Variants in TOM1L2 observed in about 807,000 individuals in gnomAD.
The protein encoded by TOM1L2 is target of myb1 like 2 membrane trafficking protein, also known as TOM1-like protein 2.
A neutral mutation model predicts 67.9 loss-of-function variants in TOM1L2; 31 were observed. The ratio of observed to expected loss-of-function variants is 0.46; its 90% CI spans 0.34 to 0.62. The LOEUF (loss-of-function observed/expected upper bound fraction) is 0.62. Ranked by LOEUF, TOM1L2 falls within the 20% of genes least tolerant of loss-of-function variation. The pLI is 0.01. For missense variants in TOM1L2, 606 were observed against 663.5 expected, an observed-to-expected ratio of 0.91 and a Z score of 0.95; for synonymous variants, 256 against 254.0, an observed-to-expected ratio of 1.01 and a Z score of -0.07.
chr17:17,971,442 C>A (rs868652058), intron 1 of TOM1L2, among the ~76,000 whole-genome samples: 1 of 152,114 alleles, frequency 6.6e-6, no homozygotes, highest in Non-Finnish European at 1.5e-5. Flanking sequence ...GGCATGCCAT[C>A]CCCCTGCCAA....
At chr17:17,965,002 C>A (rs1227122379) in intron 1 of TOM1L2, among the ~76,000 whole-genome samples, 2 of 152,190 alleles carry the variant, frequency 1.3e-5, no homozygotes, top group African/African-American at 4.8e-5. Context: ...AATGCTCCAT[C>A]AACCTGCCTT....
intron 1 of TOM1L2, among the ~76,000 whole-genome samples, chr17:17,955,965 A>G (rs776440985): frequency 1.3e-5 from 2 of 152,082 alleles, no homozygotes; most frequent in Non-Finnish European, 2.9e-5. Context: ...ATTCCTCCCA[A>G]TGGGTTCGTG....
rs373507323 is a variant in TOM1L2 at position 17,938,772 on chromosome 17, T to TG, written c.53-31242_53-31241insC. Among the ~76,000 whole-genome samples, 350 of 151,886 alleles carry TG rather than the reference T, an allele frequency of 2.3e-3. 2 individuals are homozygous for TG. Among genetic ancestry groups the TG allele is most frequent in the African/African-American group, 8.0e-3 (332 of 41,370 alleles). ...TGAGGCAAAGGTTGAAAGGGTTTTTTTTTTTTTTTAATATTTTGTAAAGAG... is the reference window on the plus strand; with the variant it reads ...TGAGGCAAAGGTTGAAAGGGTTTTTTGTTTTTTTTTAATATTTTGTAAAGAG... On this transcript the variant is annotated intron_variant, in intron 1 of 14. Transcript: ENST00000379504.
chr17:17,884,541 T>C (rs2037892808), intron 5 of TOM1L2, 93 bp downstream of exon 5: 1 of 1,552,386 alleles, frequency 6.4e-7, no homozygotes, highest in Non-Finnish European at 8.8e-7. Flanking sequence ...ACAAGCTGAA[T>C]AATTCAAAGG....
chr17:17,870,823 T>C (rs2037112390), intron 7 of TOM1L2, among the ~76,000 whole-genome samples: 1 of 152,156 alleles, frequency 6.6e-6, no homozygotes, highest in Non-Finnish European at 1.5e-5. Context: ...CCACACACAG[T>C]GAAAAAGCCC....
chr17:17,848,581 T>C (rs925027923), intron 14 of TOM1L2, among the ~76,000 whole-genome samples: 4 of 152,250 alleles, frequency 2.6e-5, no homozygotes, highest in African/African-American at 9.6e-5. Flanking sequence ...ATTCACCAGC[T>C]CTGCAACTTT....
chr17:17,885,128 T>A (rs777157335), intron 4 of TOM1L2, among the ~76,000 whole-genome samples: 2 of 151,922 alleles, frequency 1.3e-5, no homozygotes, highest in Non-Finnish European at 2.9e-5. Context: ...CTGCAGGGAG[T>A]GGAAGCTGGA....
At chr17:17,906,556 C>T (rs1327070302) in intron 2 of TOM1L2, among the ~76,000 whole-genome samples, 1 of 152,212 alleles carries the variant, frequency 6.6e-6, no homozygotes, top group Non-Finnish European at 1.5e-5. Context: ...TGGCCTGCCT[C>T]CCTACTACTC....
chr17:17,957,370 G>T (rs990964852), intron 1 of TOM1L2, among the ~76,000 whole-genome samples: 1 of 152,128 alleles, frequency 6.6e-6, no homozygotes, highest in Non-Finnish European at 1.5e-5. Flanking sequence ...AGCATATACT[G>T]TATGACTCCA....
rs2035605993 is a variant in TOM1L2, at chr17:17,845,615, A to T, written c.*2020T>A. 6.6e-6 allele frequency: 1 copy of T among 152,278 alleles called. No individual in the cohort carries two copies. The highest frequency in any genetic ancestry group is 1.5e-5 in the Non-Finnish European group (1 of 68,070). The allele number at this position is 152,278 out of a possible 1,614,324, so 9.4% of individuals were successfully genotyped here. ...CGAGGTCGGACCGCCCACCACCCGC[A>T]GGCCCAGCTCTGGCAGGGCCTCAGA... On this transcript the variant is annotated 3_prime_UTR_variant, in exon 15 of 15. Transcript: ENST00000379504.
chr17:17,849,871 G>A (rs1402145444), intron 13 of TOM1L2, among the ~76,000 whole-genome samples: 2 of 152,170 alleles, frequency 1.3e-5, no homozygotes, highest in Non-Finnish European at 2.9e-5. Flanking sequence ...AAGATGTCCC[G>A]GGGTGTGTTC....
intron 1 of TOM1L2, among the ~76,000 whole-genome samples, chr17:17,957,478 G>C (rs1402699453): frequency 6.6e-6 from 1 of 152,106 alleles, no homozygotes; most frequent in African/African-American, 2.4e-5. Flanking sequence ...AGCTTTCTGG[G>C]GTGAGGTTGA....
At chr17:17,906,392 G>C (rs113111319) in intron 2 of TOM1L2, among the ~76,000 whole-genome samples, 1 of 151,932 alleles carries the variant, frequency 6.6e-6, no homozygotes, top group Non-Finnish European at 1.5e-5. Context: ...GCCTCCCAAG[G>C]TGCTAGGATT....
intron 1 of TOM1L2, among the ~76,000 whole-genome samples, chr17:17,911,607 C>T (rs1476857304): frequency 6.6e-6 from 1 of 151,688 alleles, no homozygotes; most frequent in East Asian, 1.9e-4. Flanking sequence ...GTTCCAGAGG[C>T]AATCAGATCC....
intron 1 of TOM1L2, among the ~76,000 whole-genome samples, chr17:17,938,616 C>A (rs565611997): frequency 7.9e-5 from 12 of 152,204 alleles, no homozygotes; most frequent in Non-Finnish European, 1.5e-5. Flanking sequence ...GATTCCACTT[C>A]TACCCACATA....
intron 7 of TOM1L2, among the ~76,000 whole-genome samples, chr17:17,871,198 GTC>G (rs149918611): frequency 0.033 from 4,970 of 151,446 alleles, 288 homozygotes; most frequent in African/African-American, 0.11. Flanking sequence ...GTGAAACCCC[GTC>G]TCTACTAAAA....
intron 12 of TOM1L2, among the ~76,000 whole-genome samples, chr17:17,851,804 G>A (rs1427081162): frequency 6.6e-6 from 1 of 152,224 alleles, no homozygotes; most frequent in Non-Finnish European, 1.5e-5. Flanking sequence ...AGCAGCCAGA[G>A]CCAGGGAGGT....
At chr17:17,968,664 CAAAA>C (rs11298542) in intron 1 of TOM1L2, among the ~76,000 whole-genome samples, 5 of 115,876 alleles carry the variant, frequency 4.3e-5, no homozygotes, top group Admixed American at 8.4e-5. Context: ...GACTCCATCT[CAAAA>C]AAAAAAAAAA....
chr17:17,863,019 G>A (rs890289145), intron 10 of TOM1L2, among the ~76,000 whole-genome samples, 171 bp from the exon 11 acceptor site: 2 of 152,178 alleles, frequency 1.3e-5, no homozygotes, highest in Non-Finnish European at 2.9e-5. Flanking sequence ...GAGCCAGGGC[G>A]GGCCAGATGG....
Sources: allele counts gnomAD v4.1 joint callset (sites outside exome capture counted in the v4.1 genomes callset), GRCh38; gene constraint gnomAD v4.1.1; transcripts MANE v1.5; gene names NCBI Gene and HGNC (gene_info 2026-07-23, HGNC 2026-07-21).